The following CCDC85A variants were observed in gnomAD, a reference collection of about 807,000 sequenced individuals.
CCDC85A encodes coiled-coil domain containing 85A, also known as coiled-coil domain-containing protein 85A.
A neutral mutation model predicts 50.2 loss-of-function variants in CCDC85A; 38 were observed. The ratio of observed to expected loss-of-function variants is 0.76; its 90% CI spans 0.58 to 0.99. The LOEUF is 0.99. CCDC85A is among the 50% of genes least tolerant of loss of function. CCDC85A has a pLI of 0.00. For missense variants in CCDC85A, 820 were observed against 742.0 expected (o/e 1.11, Z -1.22); for synonymous variants, 366 against 301.4 (o/e 1.21, Z -2.22).
chr2:56,267,920 C>G (rs1417925976), intron 2 of CCDC85A, among the ~76,000 whole-genome samples: 4 of 152,162 alleles, frequency 2.6e-5, no homozygotes, highest in African/African-American at 9.7e-5. Flanking sequence ...GTTTGGTAGG[C>G]TCAGAAAAGC....
chr2:56,309,287 A>C (rs1469967527), intron 2 of CCDC85A, among the ~76,000 whole-genome samples: 2 of 152,174 alleles, frequency 1.3e-5, no homozygotes, highest in Non-Finnish European at 2.9e-5. Context: ...CCTAGCTCTT[A>C]AATCTAATAA....
chr2:56,282,660 G>A (rs1157970217), intron 2 of CCDC85A, among the ~76,000 whole-genome samples: 1 of 152,080 alleles, frequency 6.6e-6, no homozygotes, highest in Non-Finnish European at 1.5e-5. Flanking sequence ...CAGGCATGCG[G>A]CACCATGCTT....
At chr2:56,276,805 G>C (rs1205252198) in intron 2 of CCDC85A, among the ~76,000 whole-genome samples, 1 of 152,182 alleles carries the variant, frequency 6.6e-6, no homozygotes, top group Non-Finnish European at 1.5e-5. Flanking sequence ...GTAAACTTGT[G>C]TCATGGGGTT....
chr2:56,220,936 C>T (rs1668298125), intron 2 of CCDC85A, among the ~76,000 whole-genome samples: 1 of 152,010 alleles, frequency 6.6e-6, no homozygotes, highest in Non-Finnish European at 1.5e-5. Context: ...ATGGTCTCTC[C>T]ATTTGCATGA....
intron 2 of CCDC85A, among the ~76,000 whole-genome samples, chr2:56,273,313 G>A (rs1201159211): frequency 2.0e-5 from 3 of 152,026 alleles, no homozygotes; most frequent in Non-Finnish European, 4.4e-5. Flanking sequence ...ACTGAAAGAC[G>A]TGTTTCTAAA....
chr2:56,294,389 C>T (rs887235012), intron 2 of CCDC85A, among the ~76,000 whole-genome samples: 1 of 152,196 alleles, frequency 6.6e-6, no homozygotes, highest in African/African-American at 2.4e-5. Flanking sequence ...CCATGGCACA[C>T]ATTTACCTAT....
intron 2 of CCDC85A, among the ~76,000 whole-genome samples, chr2:56,200,966 C>G (rs1477271364): frequency 1.3e-5 from 2 of 151,216 alleles, no homozygotes; most frequent in Non-Finnish European, 2.9e-5. Flanking sequence ...TTATCAGAAT[C>G]TTAGTTATTT....
At position 56,192,870 on chromosome 2, in the gene CCDC85A, C is replaced by A. The variant is rs1308672573; in HGVS notation, c.670C>A (p.His224Asn). 1.2e-6 allele frequency: 2 copies of A among 1,612,900 alleles called. No homozygotes were observed. Among genetic ancestry groups the A allele is most frequent in the East Asian group, 2.2e-5 (1 of 44,868 alleles). The change falls in exon 2 of 6, where the codon CAC becomes AAC. Residue 224 changes from histidine (H) to asparagine (N), a missense_variant. Coordinates refer to ENST00000407595, the MANE Select transcript of CCDC85A (RefSeq NM_001080433.2). The surrounding 1 kb of genome is among the most constrained non-coding windows in gnomAD (Gnocchi z 4.7). ...SSTGSTDSPDHHKHHASSGSP... is the reference protein window; with the variant it reads ...SSTGSTDSPDNHKHHASSGSP... ...CACTGGCAGCACTGACAGCCCGGACCACCACAAGCACCACGCGAGCAGTGG... is the reference window on the plus strand; with the variant it reads ...CACTGGCAGCACTGACAGCCCGGACAACCACAAGCACCACGCGAGCAGTGG...
chr2:56,337,535 T>C (rs1674133222), intron 2 of CCDC85A, among the ~76,000 whole-genome samples: 1 of 152,184 alleles, frequency 6.6e-6, no homozygotes, highest in Non-Finnish European at 1.5e-5. Flanking sequence ...CTTTCTGTGT[T>C]TACAATAGGA....
At chr2:56,198,357 A>T (rs1288445422) in intron 2 of CCDC85A, among the ~76,000 whole-genome samples, 1 of 152,250 alleles carries the variant, frequency 6.6e-6, no homozygotes, top group Non-Finnish European at 1.5e-5. Flanking sequence ...ACCAGAACTG[A>T]TTTTAATTCA....
At chr2:56,276,441 A>G (rs566786220) in intron 2 of CCDC85A, among the ~76,000 whole-genome samples, 5 of 152,246 alleles carry the variant, frequency 3.3e-5, no homozygotes, top group African/African-American at 1.2e-4. Flanking sequence ...CACGTGTCGT[A>G]GGAGGAACTG....
chr2:56,300,083 C>T (rs1573207165), intron 2 of CCDC85A, among the ~76,000 whole-genome samples: 1 of 152,124 alleles, frequency 6.6e-6, no homozygotes, highest in East Asian at 1.9e-4. Flanking sequence ...AGAGAGTACA[C>T]ATAGATCTAG....
chr2:56,248,982 A>C (rs888239179), intron 2 of CCDC85A, among the ~76,000 whole-genome samples: 1 of 152,262 alleles, frequency 6.6e-6, no homozygotes, highest in Non-Finnish European at 1.5e-5. Context: ...ATGGGGTTCT[A>C]GAAAAGGTTA....
At chr2:56,196,201 A>C (rs1676513352) in intron 2 of CCDC85A, among the ~76,000 whole-genome samples, 1 of 152,244 alleles carries the variant, frequency 6.6e-6, no homozygotes, top group Admixed American at 6.5e-5. Context: ...CAAAAGCAAA[A>C]GCAAAAGAAA....
At chr2:56,272,801 A>G (rs1670753897) in intron 2 of CCDC85A, among the ~76,000 whole-genome samples, 1 of 152,188 alleles carries the variant, frequency 6.6e-6, no homozygotes, top group African/African-American at 2.4e-5. Context: ...GAAGTCTCCA[A>G]GGCAACTTGC....
At chr2:56,318,834 C>A (rs937203618) in intron 2 of CCDC85A, among the ~76,000 whole-genome samples, 1 of 152,070 alleles carries the variant, frequency 6.6e-6, no homozygotes, top group African/African-American at 2.4e-5. Context: ...GTGCTCCATG[C>A]AGTAGTCAGT....
rs115453241 is a variant in CCDC85A, at chr2:56,262,802, T to C, written c.1240+69362T>C. Among the ~76,000 whole-genome samples the C allele has an allele frequency of 4.3e-3, 654 of 152,358 alleles. 4 individuals carry two copies. Among genetic ancestry groups the C allele is most frequent in the Non-Finnish European group, 6.4e-3 (438 of 68,028 alleles). ...TTTGGAATAGAGAATGTTCATATGA[T>C]GCCAGCACAGCAGTTCACATATAGA... is the stretch of plus-strand genomic sequence containing the variant. On this transcript the variant is annotated intron_variant, in intron 2 of 5. Coordinates refer to ENST00000407595, the MANE Select transcript of CCDC85A (RefSeq NM_001080433.2).
chr2:56,240,582 C>T (rs1317797755), intron 2 of CCDC85A, among the ~76,000 whole-genome samples: 1 of 152,156 alleles, frequency 6.6e-6, no homozygotes, highest in East Asian at 1.9e-4. Context: ...ACCAGTAACA[C>T]TTTCTGTCTC....
intron 2 of CCDC85A, among the ~76,000 whole-genome samples, chr2:56,225,955 G>T (rs1281657356): frequency 1.3e-5 from 2 of 152,138 alleles, no homozygotes; most frequent in Non-Finnish European, 2.9e-5. Flanking sequence ...GAGAAGAATT[G>T]ATATATTTTC....
Sources: allele counts gnomAD v4.1 joint callset (sites outside exome capture counted in the v4.1 genomes callset), GRCh38; gene constraint gnomAD v4.1.1; non-coding constraint Gnocchi (gnomAD v3.1); transcripts MANE v1.5; gene names NCBI Gene and HGNC (gene_info 2026-07-23, HGNC 2026-07-21).